The following RUNX3 variants were observed in gnomAD, a reference collection of about 807,000 sequenced individuals.
RUNX3 encodes the protein runt-related transcription factor 3.
A neutral mutation model predicts 27.7 loss-of-function variants in RUNX3; 10 were observed. The ratio of observed to expected loss-of-function variants is 0.36; its 90% CI spans 0.22 to 0.61. RUNX3 has a LOEUF of 0.61. RUNX3 is among the 20% of genes least tolerant of loss of function. The pLI, the probability that RUNX3 is intolerant of heterozygous loss-of-function variation, is 0.72. For synonymous variants in RUNX3, 270 were observed against 269.2 expected (o/e 1.00, Z -0.03); for missense variants, 469 against 629.5 (o/e 0.75, Z 2.73).
intron 2 of RUNX3, among the ~76,000 whole-genome samples, chr1:24,954,442 A>C (rs774739673): frequency 6.6e-6 from 1 of 152,254 alleles, no homozygotes; most frequent in Non-Finnish European, 1.5e-5. Context: ...CAGGGAAGGA[A>C]GGAAAGGCAG....
At position 24,923,784 on chromosome 1, in the gene RUNX3, C is replaced by T. The variant is rs1641044279; in HGVS notation, c.439+3790G>A. Reference sequence around the variant, plus strand: ...ATCTCTCCCCCAACCAGCGGTTCCCCTCAGCCTGCACCGGCACACTGCACC... The same window carrying T: ...ATCTCTCCCCCAACCAGCGGTTCCCTTCAGCCTGCACCGGCACACTGCACC... On this transcript the variant is annotated intron_variant, in intron 2 of 4. Transcript: ENST00000308873. The surrounding 1 kb of genome is among the most constrained non-coding windows in gnomAD (Gnocchi z 5.9). Among the ~76,000 whole-genome samples, 1 of 152,232 alleles carries T rather than the reference C, an allele frequency of 6.6e-6. No individual in the cohort carries two copies. The highest frequency in any genetic ancestry group is 1.5e-5 in the Non-Finnish European group (1 of 68,042).
At chr1:24,953,551 G>A (rs866799820) in intron 2 of RUNX3, among the ~76,000 whole-genome samples, 5 of 152,148 alleles carry the variant, frequency 3.3e-5, no homozygotes, top group African/African-American at 9.7e-5. Context: ...CGTTTCAAGC[G>A]CTCGGGATTC....
intron 2 of RUNX3, among the ~76,000 whole-genome samples, chr1:24,954,022 C>T (rs1376078975): frequency 1.3e-5 from 2 of 152,222 alleles, no homozygotes; most frequent in Admixed American, 6.5e-5. Context: ...AAGTTATCCT[C>T]CTGCCTCAGC....
At chr1:24,951,581 C>T (rs558792363) in intron 2 of RUNX3, among the ~76,000 whole-genome samples, 5 of 152,318 alleles carry the variant, frequency 3.3e-5, no homozygotes, top group East Asian at 3.9e-4. Flanking sequence ...CCCCTTGAGT[C>T]GCTCCAGCCT....
intron 2 of RUNX3, among the ~76,000 whole-genome samples, chr1:24,926,024 C>G (rs1198998590): frequency 6.6e-6 from 1 of 152,198 alleles, no homozygotes; most frequent in Non-Finnish European, 1.5e-5. Flanking sequence ...TCTCTCGCTT[C>G]CCAGGAGAGA....
intron 2 of RUNX3, chr1:24,964,420 T>C: frequency 2.0e-6 from 2 of 989,814 alleles, no homozygotes; most frequent in Non-Finnish European, 3.1e-6. Flanking sequence ...GGACAGGCTG[T>C]GCGCTTGAGG....
chr1:24,919,762 C>A (rs920592967), intron 2 of RUNX3, among the ~76,000 whole-genome samples: 8 of 151,722 alleles, frequency 5.3e-5, no homozygotes, highest in South Asian at 2.1e-4. Flanking sequence ...ACCCCCCCCC[C>A]ACGGTTCCAC....
At chr1:24,942,087 C>T (rs1283613472) in intron 2 of RUNX3, among the ~76,000 whole-genome samples, 5 of 152,162 alleles carry the variant, frequency 3.3e-5, no homozygotes, top group Admixed American at 1.3e-4. Flanking sequence ...TTTTAGCTCA[C>T]GGAGGCCTGG....
intron 2 of RUNX3, among the ~76,000 whole-genome samples, chr1:24,953,024 G>C (rs957424743): frequency 6.6e-6 from 1 of 151,848 alleles, no homozygotes; most frequent in Admixed American, 6.6e-5. Flanking sequence ...GATTACTAAA[G>C]CAGTACGTGC....
At chr1:24,915,328 G>A (rs1204323746) in intron 3 of RUNX3, among the ~76,000 whole-genome samples, 1 of 152,172 alleles carries the variant, frequency 6.6e-6, no homozygotes, top group Non-Finnish European at 1.5e-5. Flanking sequence ...GGAGGCTGAG[G>A]CAAGAGAATC....
At chr1:24,951,674 C>A (rs545577006) in intron 2 of RUNX3, among the ~76,000 whole-genome samples, 3 of 152,128 alleles carry the variant, frequency 2.0e-5, no homozygotes, top group Non-Finnish European at 4.4e-5. Context: ...AAGAGAAGAC[C>A]AAGGATGCTC....
chr1:24,905,183 G>A lies in RUNX3; in HGVS notation c.703+2076C>T, dbSNP rs112128596. Among the ~76,000 whole-genome samples the A allele has an allele frequency of 6.9e-3, 1,044 of 152,304 alleles. 5 individuals carry two copies. The highest frequency in any genetic ancestry group is 0.011 in the Non-Finnish European group (755 of 68,024). ...GGGGATCCCCAGGAGGGAGTCCGAG[G>A]GCAGAGGGAGGAGGGCCTGTGAGAG... On this transcript the variant is annotated intron_variant, in intron 4 of 4. Transcript: ENST00000308873.
At chr1:24,905,967 G>A (rs1399957760) in intron 4 of RUNX3, among the ~76,000 whole-genome samples, 6 of 152,360 alleles carry the variant, frequency 3.9e-5, no homozygotes, top group African/African-American at 1.2e-4. Flanking sequence ...TGGGCTCAGA[G>A]AGGCTGGGCC....
Position 24,902,118 on chromosome 1 carries a change from G to A in RUNX3, c.*4C>T. On this transcript the variant is annotated 3_prime_UTR_variant, in exon 5 of 5. Coordinates refer to ENST00000308873, the MANE Select transcript of RUNX3 (RefSeq NM_004350.3). This position sits in a 1 kb window ranked among gnomAD's most constrained non-coding sequence, Gnocchi z 9.2. The stretch of plus-strand genomic sequence containing the variant: ...CCTCCAGCGGGAGGAGTCCACCAGG[G>A]CGGTCAGTAGGGCCGCCACACGGCC... The A allele has an allele frequency of 2.6e-6, 4 of 1,531,774 alleles. No individual in the cohort carries two copies. The highest frequency in any genetic ancestry group is 3.5e-6 in the Non-Finnish European group (4 of 1,137,208). The allele number at this position is 1,531,774 out of a possible 1,614,324, so 94.9% of individuals were successfully genotyped here. A position where few individuals can be genotyped will look rare whatever the true frequency, so the allele number is the denominator to read the frequency against.
intron 3 of RUNX3, among the ~76,000 whole-genome samples, chr1:24,915,657 G>A (rs1318555625): frequency 1.3e-5 from 2 of 152,212 alleles, no homozygotes; most frequent in East Asian, 1.9e-4. Context: ...GGGGGTGTCC[G>A]GGGAGGAGTG....
chr1:24,940,642 T>C (rs1641454070), intron 2 of RUNX3, among the ~76,000 whole-genome samples: 1 of 151,782 alleles, frequency 6.6e-6, no homozygotes, highest in Admixed American at 6.6e-5. Flanking sequence ...GTCTGTAATC[T>C]CAGCTACTTG....
intron 2 of RUNX3, among the ~76,000 whole-genome samples, chr1:24,947,069 G>A (rs557861482): frequency 9.9e-5 from 15 of 152,174 alleles, no homozygotes; most frequent in Non-Finnish European, 1.9e-4. Flanking sequence ...AGCTCACCAC[G>A]TGCCAGACCC....
At position 24,949,889 on chromosome 1, in the gene RUNX3, C is replaced by T. The variant is rs141136955; in HGVS notation, c.58+14625G>A. Among the ~76,000 whole-genome samples, 127 of 152,342 alleles carry T rather than the reference C, an allele frequency of 8.3e-4. 1 individual carries two copies. Among genetic ancestry groups the T allele is most frequent in the Middle Eastern group, 3.4e-3 (1 of 294 alleles). Reference sequence around the variant, plus strand: ...CCCAGGAGGGGTCAGCATAGCTGAGCTCAGGGTACCTGTGGGCGGGGCTTC... The same window carrying T: ...CCCAGGAGGGGTCAGCATAGCTGAGTTCAGGGTACCTGTGGGCGGGGCTTC... On this transcript the variant is annotated intron_variant, in intron 2 of 6. Transcript: ENST00000338888.
rs554841572 is a variant in RUNX3, at chr1:24,963,795, A to T, written c.58+719T>A. ...GAGTCCCAGCCCCATTAGAGGCTCC[A>T]GGTCGGGGATCCCAGACCCCCTATC... On this transcript the variant is annotated intron_variant, in intron 2 of 6. Transcript: ENST00000338888. Among the ~76,000 whole-genome samples, 85 of 152,284 alleles carry T rather than the reference A, an allele frequency of 5.6e-4. 1 individual carries two copies. Among genetic ancestry groups the T allele is most frequent in the African/African-American group, 1.9e-3 (79 of 41,558 alleles).
Sources: gnomAD v4.1 joint callset for allele counts (sites outside exome capture counted in the v4.1 genomes callset) on GRCh38, gnomAD v4.1.1 for gene constraint, Gnocchi (gnomAD v3.1) non-coding constraint, MANE v1.5 for transcripts, NCBI Gene and HGNC (gene_info 2026-07-23, HGNC 2026-07-21) for gene names.